Variants in TRPV3 observed in about 807,000 individuals in gnomAD.
TRPV3 encodes the protein VRL-3.
Under a neutral mutation model 87.1 loss-of-function variants are expected in TRPV3, and 88 were observed. That is an observed-to-expected ratio of 1.01 (90% CI 0.85 to 1.21). The LOEUF is 1.21. Among genes scored for constraint, TRPV3 ranks in the 50% most tolerant of loss-of-function variants. The pLI is 0.00. For synonymous variants in TRPV3, 438 were observed against 423.3 expected (o/e 1.03, Z -0.43); for missense variants, 1,054 against 1,030.1 (o/e 1.02, Z -0.32).
chr17:3,531,535 G>C (rs1018361069), intron 8 of TRPV3, among the ~76,000 whole-genome samples: 1 of 152,150 alleles, frequency 6.6e-6, no homozygotes, highest in African/African-American at 2.4e-5. Flanking sequence ...TGCCTCCCCC[G>C]GGCCGGCCAC....
At chr17:3,543,082 AC>A (rs2074484483) in intron 5 of TRPV3, among the ~76,000 whole-genome samples, 1 of 150,970 alleles carries the variant, frequency 6.6e-6, no homozygotes. Flanking sequence ...CCAGGGCTCC[AC>A]CAGCCACCAA....
intron 6 of TRPV3, among the ~76,000 whole-genome samples, chr17:3,541,570 A>G (rs1231668314): frequency 6.6e-6 from 1 of 152,178 alleles, no homozygotes; most frequent in African/African-American, 2.4e-5. Flanking sequence ...CACTCTCCCA[A>G]ATTTGCTCTC....
At chr17:3,544,080 C>G (rs2074495966) in intron 4 of TRPV3, among the ~76,000 whole-genome samples, 1 of 151,412 alleles carries the variant, frequency 6.6e-6, no homozygotes, top group Non-Finnish European at 1.5e-5. Context: ...ACAATCTCAG[C>G]TCACTACAAC....
chr17:3,516,298 A>G (rs1018037189), intron 16 of TRPV3, among the ~76,000 whole-genome samples, 159 bp downstream of exon 16: 1 of 152,100 alleles, frequency 6.6e-6, no homozygotes, highest in Non-Finnish European at 1.5e-5. Flanking sequence ...CTGCAACCCC[A>G]TAAGCAAATT....
At chr17:3,522,132 A>T (rs2074252568) in intron 13 of TRPV3, among the ~76,000 whole-genome samples, 1 of 152,300 alleles carries the variant, frequency 6.6e-6, no homozygotes, top group Non-Finnish European at 1.5e-5. Context: ...TAAATGTTCA[A>T]AACTCATCCC....
chr17:3,516,351 T>G, intron 16 of TRPV3, 106 bp downstream of exon 16: 1 of 887,244 alleles, frequency 1.1e-6, no homozygotes, highest in South Asian at 1.4e-5. Context: ...TAGCTGTGGT[T>G]ATGGTTAGCA....
chr17:3,529,071 GCT>G, intron 9 of TRPV3, 76 bp from the exon 10 acceptor site: 1 of 1,540,668 alleles, frequency 6.5e-7, no homozygotes, highest in South Asian at 1.1e-5. Context: ...GCCTGCGGGA[GCT>G]CTGAGTCAGT....
chr17:3,545,639 C>T (rs1461094665), intron 2 of TRPV3, among the ~76,000 whole-genome samples: 1 of 151,440 alleles, frequency 6.6e-6, no homozygotes, highest in Non-Finnish European at 1.5e-5. Context: ...TTCTGAGGGC[C>T]TCAATATTTA....
intron 7 of TRPV3, 122 bp from the exon 8 acceptor site, chr17:3,533,059 C>CT: frequency 2.6e-6 from 3 of 1,143,646 alleles, no homozygotes; most frequent in Non-Finnish European, 3.7e-6. Context: ...CCCTAGCCCT[C>CT]TCCCCATCTT....
intron 7 of TRPV3, among the ~76,000 whole-genome samples, chr17:3,534,834 C>A (rs1259583466): frequency 6.6e-6 from 1 of 152,084 alleles, no homozygotes; most frequent in Non-Finnish European, 1.5e-5. Flanking sequence ...TGGGGCAAGT[C>A]CTTTCCCTTC....
chr17:3,528,919 A>C lies in TRPV3; in HGVS notation c.1319T>G (p.Met440Arg). ...ATAAAAGCAGAAGGACAGAAAGAAC[A>C]TGTGCTTGGCAAACTTCTTCCACTT... Reference protein sequence around the residue: ...HMKWKKFAKHMFFLSFCFYFF... With the variant: ...HMKWKKFAKHRFFLSFCFYFF... The change falls in exon 10 of 18, where the codon ATG (methionine) becomes AGG (arginine). Residue 440 changes from methionine (M) to arginine (R), a missense_variant. Transcript: ENST00000576742. The surrounding 1 kb of genome is among the most constrained non-coding windows in gnomAD (Gnocchi z 4.2). 1 of 1,614,202 alleles carries C rather than the reference A, an allele frequency of 6.2e-7. No homozygotes were observed. The highest frequency in any genetic ancestry group is 8.5e-7 in the Non-Finnish European group (1 of 1,180,036).
intron 2 of TRPV3, among the ~76,000 whole-genome samples, chr17:3,546,302 C>T (rs558523133): frequency 3.3e-5 from 5 of 151,964 alleles, no homozygotes; most frequent in Non-Finnish European, 5.9e-5. Flanking sequence ...ATTAGACAGG[C>T]GTCGTGGTGC....
chr17:3,514,404 G>C (rs2074154704), intron 17 of TRPV3, 189 bp downstream of exon 17: 1 of 602,124 alleles, frequency 1.7e-6, no homozygotes, highest in African/African-American at 1.9e-5. Context: ...TATGGCTTAG[G>C]GCTACGCCAT....
chr17:3,514,626 G>C lies in TRPV3; in HGVS notation c.2245C>G (p.Leu749Val), dbSNP rs1351736897. The change falls in exon 17 of 18, where the codon CTT (leucine) becomes GTT (valine). Residue 749 changes from leucine to valine, a missense_variant. By Grantham distance (32) the Leu-to-Val change is conservative (BLOSUM62 1). Transcript: ENST00000576742. The stretch of plus-strand genomic sequence containing the variant: ...CTTACAGGCCCCGGGTCTTCGTTAA[G>C]GAAGGAGACGTGCGTCTTCCATTCA... The part of the protein sequence containing the change: ...WTEWKTHVSF[L>V]NEDPGPVRRT... The C allele has an allele frequency of 1.2e-6, 2 of 1,614,092 alleles. No homozygotes were observed. The highest frequency in any genetic ancestry group is 4.5e-5 in the East Asian group (2 of 44,878).
chr17:3,543,616 G>C lies in TRPV3; in HGVS notation c.324C>G (p.Ala108=). Residue 108 remains alanine (A), a synonymous_variant, in exon 5 of 18, where the codon GCC becomes GCG. Coordinates refer to ENST00000576742, the MANE Select transcript of TRPV3 (RefSeq NM_145068.4). Reference sequence around the variant, plus strand: ...TCTTTTTCCTCCTCTGCTCTTCCTTGGCCAGCTGTGCACTGAAGCCAGAAA... The same window carrying C: ...TCTTTTTCCTCCTCTGCTCTTCCTTCGCCAGCTGTGCACTGAAGCCAGAAA... The part of the protein sequence containing the change: ...SNPNSPSAQL[A]KEEQRRKKRR... 1 of 1,614,036 alleles carries C rather than the reference G, an allele frequency of 6.2e-7. No homozygotes were observed. The highest frequency in any genetic ancestry group is 1.3e-5 in the African/African-American group (1 of 75,040).
chr17:3,519,904 A>AGATGGATG (rs59068738), intron 14 of TRPV3, among the ~76,000 whole-genome samples: 56 of 113,482 alleles, frequency 4.9e-4, no homozygotes, highest in South Asian at 9.7e-4. Context: ...ATGGATGATT[A>AGATGGATG]GATGGATGGA....
rs759777576 is a variant in TRPV3, at chr17:3,546,765, G to A, written c.120-1494C>T. 1.0e-4 allele frequency: 44 copies of A among 427,544 alleles called. 2 individuals are homozygous for A. The highest frequency in any genetic ancestry group is 6.9e-4 in the South Asian group (43 of 62,390). The allele number at this position is 427,544 out of a possible 1,614,324, so 26.5% of individuals were successfully genotyped here. The stretch of plus-strand genomic sequence containing the variant: ...GGTCAAAGTGGGCAGATCAGTTGAG[G>A]TCAGGAGTTTGAGGCCAATGCGGCA... On this transcript the variant is annotated intron_variant, in intron 2 of 17. Coordinates refer to ENST00000576742, the MANE Select transcript of TRPV3 (RefSeq NM_145068.4).
chr17:3,544,637 A>G lies in TRPV3; in HGVS notation c.253T>C (p.Ser85Pro). The change falls in exon 4 of 18, where the codon TCC (serine) becomes CCC (proline). Residue 85 changes from serine to proline, a missense_variant. Ser to Pro is a moderately conservative substitution (Grantham distance 74). Coordinates refer to ENST00000576742, the MANE Select transcript of TRPV3 (RefSeq NM_145068.4). The part of the protein sequence containing the change: ...CISGNCDDMD[S>P]PQSPQDDVTE... ...ACATCATCCTGAGGAGACTGGGGGG[A>G]GTCCATGTCATCACAGTTACCAGAG... The G allele has an allele frequency of 6.2e-7, 1 of 1,609,192 alleles. No individual in the cohort carries two copies. The highest frequency in any genetic ancestry group is 8.5e-7 in the Non-Finnish European group (1 of 1,179,026).
chr17:3,542,744 C>T, intron 5 of TRPV3, 46 bp from the exon 6 acceptor site: 1 of 1,586,038 alleles, frequency 6.3e-7, no homozygotes, highest in Non-Finnish European at 8.6e-7. Context: ...CCCCGGCTGC[C>T]CTTGGCCCTC....
Sources: allele counts gnomAD v4.1 joint callset (sites outside exome capture counted in the v4.1 genomes callset), GRCh38; gene constraint gnomAD v4.1.1; non-coding constraint Gnocchi (gnomAD v3.1); transcripts MANE v1.5; gene names NCBI Gene and HGNC (gene_info 2026-07-23, HGNC 2026-07-21).